ABCC9: variants seen among roughly 807,000 people sequenced by gnomAD.
ABCC9 encodes the protein ATP-binding cassette sub-family C member 9.
Under a neutral mutation model 188.3 loss-of-function variants are expected in ABCC9, and 95 were observed. The ratio of observed to expected loss-of-function variants is 0.50; its 90% confidence interval spans 0.43 to 0.60. The LOEUF (loss-of-function observed/expected upper bound fraction) is 0.60. Ranked by LOEUF, ABCC9 falls within the 20% of genes least tolerant of loss-of-function variation. ABCC9 has a pLI of 0.00. For missense variants in ABCC9, 1,102 were observed against 1,876.3 expected, an observed-to-expected ratio of 0.59 and a Z score of 7.62; for synonymous variants, 659 against 652.7, an observed-to-expected ratio of 1.01 and a Z score of -0.15.
intron 9 of ABCC9, 38 bp from the exon 10 acceptor site, chr12:21,910,350 A>G: frequency 6.5e-7 from 1 of 1,534,586 alleles, no homozygotes; most frequent in Non-Finnish European, 8.8e-7. Flanking sequence ...AAAGCTCTAA[A>G]CTTAAAATTG....
chr12:21,865,635 C>T (rs1945738500), intron 18 of ABCC9, among the ~76,000 whole-genome samples: 1 of 152,024 alleles, frequency 6.6e-6, no homozygotes, highest in African/African-American at 2.4e-5. Flanking sequence ...TGTATTCTGG[C>T]CATTCAAGTG....
intron 24 of ABCC9, 130 bp downstream of exon 24, chr12:21,851,967 G>T: frequency 1.8e-6 from 2 of 1,110,392 alleles, no homozygotes; most frequent in South Asian, 1.5e-5. Context: ...CAATTGCTTT[G>T]GATTTCAGAT....
chr12:21,824,434 A>T (rs1156918768), intron 31 of ABCC9, among the ~76,000 whole-genome samples: 2 of 152,082 alleles, frequency 1.3e-5, no homozygotes, highest in African/African-American at 4.8e-5. Flanking sequence ...TTCATCAGGG[A>T]TATTGGTCTG....
At chr12:21,934,969 T>C (rs999456003) in intron 3 of ABCC9, among the ~76,000 whole-genome samples, 1 of 152,116 alleles carries the variant, frequency 6.6e-6, no homozygotes, top group Non-Finnish European at 1.5e-5. Flanking sequence ...TTTTGCAACC[T>C]TATGATTTTC....
intron 21 of ABCC9, 43 bp downstream of exon 21, chr12:21,860,928 C>A (rs752952825): frequency 9.6e-6 from 14 of 1,463,834 alleles, no homozygotes; most frequent in Middle Eastern, 3.6e-4. Context: ...GAAGACTTTT[C>A]TAGATTTTTG....
intron 5 of ABCC9, among the ~76,000 whole-genome samples, chr12:21,921,866 A>G (rs984184454): frequency 5.3e-5 from 8 of 152,022 alleles, no homozygotes; most frequent in Non-Finnish European, 1.2e-4. Flanking sequence ...CCTTTTTAAA[A>G]GATAACTTCA....
intron 5 of ABCC9, among the ~76,000 whole-genome samples, chr12:21,918,919 T>C (rs990766300): frequency 1.3e-5 from 2 of 152,080 alleles, no homozygotes; most frequent in Non-Finnish European, 2.9e-5. Flanking sequence ...AGCTTCAAAA[T>C]ATTTGGAAAT....
chr12:21,899,837 C>T (rs561836147), intron 12 of ABCC9, among the ~76,000 whole-genome samples: 50 of 152,302 alleles, frequency 3.3e-4, no homozygotes, highest in Admixed American at 1.6e-3. Flanking sequence ...TGGAACCCAC[C>T]GCAGCTCAAG....
intron 4 of ABCC9, among the ~76,000 whole-genome samples, chr12:21,932,709 C>T (rs555506488): frequency 9.2e-5 from 14 of 152,098 alleles, no homozygotes; most frequent in African/African-American, 2.2e-4. Context: ...ACCAGTCAAA[C>T]GGCTACAATT....
At chr12:21,802,567 A>T (rs1258037002) in intron 39 of ABCC9, among the ~76,000 whole-genome samples, 2 of 152,244 alleles carry the variant, frequency 1.3e-5, no homozygotes, top group African/African-American at 4.8e-5. Context: ...TATTAGTATT[A>T]AGTCTTTGAA....
chr12:21,913,168 A>G, intron 7 of ABCC9, 102 bp from the exon 8 acceptor site: 1 of 1,046,542 alleles, frequency 9.6e-7, no homozygotes, highest in Admixed American at 2.6e-5. Flanking sequence ...TACTTCAAAA[A>G]TACTTTAAGG....
At chr12:21,805,926 T>C (rs878989101) in intron 39 of ABCC9, 72 bp downstream of exon 39, 5 of 1,448,616 alleles carry the variant, frequency 3.5e-6, no homozygotes, top group Non-Finnish European at 3.9e-6. Context: ...TATATTTTGC[T>C]AAAACCTAAA....
At chr12:21,936,965 T>C (rs1469269442) in intron 2 of ABCC9, among the ~76,000 whole-genome samples, 1 of 152,094 alleles carries the variant, frequency 6.6e-6, no homozygotes, top group Non-Finnish European at 1.5e-5. Context: ...TAGTAGTACC[T>C]CAAATGAGTG....
chr12:21,926,196 A>G (rs1486925166), intron 4 of ABCC9, 133 bp from the exon 5 acceptor site: 8 of 1,231,196 alleles, frequency 6.5e-6, no homozygotes, highest in African/African-American at 1.5e-5. Context: ...GTAGTTTCCA[A>G]GATAATACAT....
chr12:21,881,357 A>G (rs1256355404), intron 16 of ABCC9, among the ~76,000 whole-genome samples: 1 of 152,166 alleles, frequency 6.6e-6, no homozygotes, highest in East Asian at 1.9e-4. Flanking sequence ...TGAGCCTGAA[A>G]CTGCGGAGGC....
intron 5 of ABCC9, chr12:21,925,325 C>A: frequency 7.9e-6 from 4 of 509,132 alleles, no homozygotes; most frequent in Non-Finnish European, 1.4e-5. Context: ...CTCTGATTTC[C>A]ACAGAACAAG....
chr12:21,922,751 C>T (rs115170091), intron 5 of ABCC9, among the ~76,000 whole-genome samples: 1,217 of 118,630 alleles, frequency 0.01, 1 homozygote, highest in Middle Eastern at 0.03. Flanking sequence ...TTTTTTTTTT[C>T]TTTTTTTTTT....
At chr12:21,821,823 G>A (rs1006758513) in intron 31 of ABCC9, among the ~76,000 whole-genome samples, 1 of 152,104 alleles carries the variant, frequency 6.6e-6, no homozygotes, top group Non-Finnish European at 1.5e-5. Flanking sequence ...AGCAAAAGAA[G>A]TGAAAACAGA....
At chr12:21,887,504 G>C (rs1946939028) in intron 15 of ABCC9, among the ~76,000 whole-genome samples, 1 of 152,142 alleles carries the variant, frequency 6.6e-6, no homozygotes, top group Admixed American at 6.6e-5. Flanking sequence ...TAGCTAAATG[G>C]TATTATAAGA....
Sources: gnomAD v4.1 joint callset for allele counts (sites outside exome capture counted in the v4.1 genomes callset) on GRCh38, gnomAD v4.1.1 for gene constraint, MANE v1.5 for transcripts, NCBI Gene and HGNC (gene_info 2026-07-23, HGNC 2026-07-21) for gene names.